Variants in RUNX1 observed in about 807,000 individuals in gnomAD.
The protein encoded by RUNX1 is RUNX family transcription factor 1, also known as runt-related transcription factor 1.
Under a neutral mutation model 42.8 loss-of-function variants are expected in RUNX1, and 19 were observed. The ratio of observed to expected loss-of-function variants is 0.44; its 90% CI spans 0.31 to 0.65. The LOEUF (loss-of-function observed/expected upper bound fraction) is 0.65. Among genes scored for constraint, RUNX1 ranks in the 30% least tolerant of loss-of-function variants. The probability of loss-of-function intolerance (pLI) is 0.07; values close to 1 mark genes in which losing one functional copy is unlikely to be tolerated. For missense variants in RUNX1, 528 were observed against 672.0 expected (o/e 0.79, Z 2.37); for synonymous variants, 271 against 289.4 (o/e 0.94, Z 0.64).
chr21:34,859,617 G>C (rs1405547149), intron 5 of RUNX1, 39 bp from the exon 6 acceptor site: 1 of 1,483,842 alleles, frequency 6.7e-7, no homozygotes, highest in Non-Finnish European at 9.4e-7. Flanking sequence ...GAATGAGGTT[G>C]GTGGCCTGAA....
chr21:34,873,911 T>C (rs1374858467), intron 5 of RUNX1, among the ~76,000 whole-genome samples: 5 of 152,248 alleles, frequency 3.3e-5, no homozygotes, highest in Non-Finnish European at 7.3e-5. Flanking sequence ...GTTGAAGTGC[T>C]GCGATCTGTC....
chr21:34,972,822 TTGCATGCAACTGGACC>T (rs1427979458), intron 2 of RUNX1, among the ~76,000 whole-genome samples: 1 of 152,086 alleles, frequency 6.6e-6, no homozygotes, highest in African/African-American at 2.4e-5. Context: ...CATTGTCCAG[TTGCATGCAACTGGACC>T]CACGGGTTGG....
At chr21:34,937,338 A>G (rs939114966) in intron 2 of RUNX1, among the ~76,000 whole-genome samples, 3 of 150,472 alleles carry the variant, frequency 2.0e-5, no homozygotes, top group African/African-American at 7.3e-5. Flanking sequence ...AAAAAAAAAA[A>G]GGTACAATAA....
chr21:34,910,960 A>C lies in RUNX1; in HGVS notation c.59-17997T>G, dbSNP rs1038984101. Among the ~76,000 whole-genome samples, 23 of 152,064 alleles carry C rather than the reference A, an allele frequency of 1.5e-4. 1 individual carries two copies. Among genetic ancestry groups the C allele is most frequent in the African/African-American group, 5.6e-4 (23 of 41,392 alleles). On this transcript the variant is annotated intron_variant, in intron 2 of 8. Coordinates refer to ENST00000675419, the MANE Select transcript of RUNX1 (RefSeq NM_001754.5). ...TAATTTTTAAACATTTTTAGACATG[A>C]GGTCTCCTTATTTGCCCCAGCTGGC... is the stretch of plus-strand genomic sequence containing the variant.
intron 4 of RUNX1, among the ~76,000 whole-genome samples, chr21:34,884,557 G>A (rs1182430200): frequency 2.0e-5 from 3 of 152,210 alleles, no homozygotes; most frequent in Non-Finnish European, 2.9e-5. Flanking sequence ...GGTTGGGTGG[G>A]CAGATAGAGT....
At chr21:34,892,451 G>A (rs1014413530) in intron 3 of RUNX1, among the ~76,000 whole-genome samples, 3 of 152,180 alleles carry the variant, frequency 2.0e-5, no homozygotes, top group Non-Finnish European at 2.9e-5. Flanking sequence ...GTTAATGTGT[G>A]ATGATTTCAC....
chr21:34,905,034 C>T (rs1199139619), intron 2 of RUNX1, among the ~76,000 whole-genome samples: 1 of 152,062 alleles, frequency 6.6e-6, no homozygotes. Context: ...GTCTGCAAAC[C>T]TCTACACCTG....
intron 2 of RUNX1, among the ~76,000 whole-genome samples, chr21:35,010,390 G>C (rs547518115): frequency 6.6e-6 from 1 of 152,082 alleles, no homozygotes; most frequent in African/African-American, 2.4e-5. Context: ...AATATGCAGA[G>C]GTTCAAAGCA....
intron 3 of RUNX1, chr21:34,889,597 TC>T: frequency 1.0e-6 from 1 of 952,956 alleles, no homozygotes; most frequent in Non-Finnish European, 1.3e-6. Context: ...GCCCCGCGTC[TC>T]CCCTCCGGCT....
chr21:34,946,121 A>T (rs1416972795), intron 2 of RUNX1, among the ~76,000 whole-genome samples: 1 of 152,058 alleles, frequency 6.6e-6, no homozygotes, highest in African/African-American at 2.4e-5. Flanking sequence ...TCCTCTCTTC[A>T]GCTCTTCATG....
At chr21:34,808,283 C>G (rs1209302315) in intron 7 of RUNX1, among the ~76,000 whole-genome samples, 1 of 152,186 alleles carries the variant, frequency 6.6e-6, no homozygotes, top group Non-Finnish European at 1.5e-5. Context: ...CGGGGCAGAA[C>G]CCTGCCTGGG....
chr21:34,892,980 T>A lies in RUNX1; in HGVS notation c.59-17A>T. 6.5e-7 allele frequency: 1 copy of A among 1,548,392 alleles called. No individual in the cohort carries two copies. The highest frequency in any genetic ancestry group is 8.9e-7 in the Non-Finnish European group (1 of 1,121,760). Reference sequence around the variant, plus strand: ...GTATGCATTCTGAAATAACAGAAAGTAGGAAAATAAAAGTAATGCAAGTTT... The same window carrying A: ...GTATGCATTCTGAAATAACAGAAAGAAGGAAAATAAAAGTAATGCAAGTTT... On this transcript the variant is annotated splice_polypyrimidine_tract_variant and intron_variant, in intron 2 of 8. Transcript: ENST00000675419.
At chr21:34,842,364 G>A (rs566953674) in intron 6 of RUNX1, among the ~76,000 whole-genome samples, 3 of 151,392 alleles carry the variant, frequency 2.0e-5, no homozygotes, top group South Asian at 2.1e-4. Flanking sequence ...GCATGGTGGC[G>A]CGCACCTGTA....
At chr21:34,988,994 A>ATCTC (rs905748186) in intron 2 of RUNX1, among the ~76,000 whole-genome samples, 4 of 134,780 alleles carry the variant, frequency 3.0e-5, no homozygotes, top group Admixed American at 7.4e-5. Context: ...GCTGGCCCAG[A>ATCTC]TCTCTCTCTC....
At chr21:34,838,525 T>G (rs1224384283) in intron 6 of RUNX1, among the ~76,000 whole-genome samples, 1 of 152,232 alleles carries the variant, frequency 6.6e-6, no homozygotes, top group Non-Finnish European at 1.5e-5. Flanking sequence ...TTGTGGTTCT[T>G]CTAAAAGCAT....
chr21:34,972,036 C>T (rs1051971892), intron 2 of RUNX1, among the ~76,000 whole-genome samples: 3 of 152,200 alleles, frequency 2.0e-5, no homozygotes, highest in Non-Finnish European at 2.9e-5. Context: ...AACACATTAA[C>T]AGGCCAACTT....
rs74276022 is a variant in RUNX1 at position 34,850,684 on chromosome 21, A to G, written c.613+8790T>C. Among the ~76,000 whole-genome samples, 251 of 152,336 alleles carry G rather than the reference A, an allele frequency of 1.6e-3. 4 individuals carry two copies. In the East Asian group the frequency reaches 0.046, roughly 28 times the overall value. ...TTTCACCCGTTAGTGACTTAGGAAC[A>G]GTGCCCAGAGTGTTTCCAGGGCCCA... On this transcript the variant is annotated intron_variant, in intron 6 of 8. Transcript: ENST00000675419.
chr21:34,998,225 G>A (rs1397585229), intron 2 of RUNX1, among the ~76,000 whole-genome samples: 2 of 152,146 alleles, frequency 1.3e-5, no homozygotes, highest in African/African-American at 4.8e-5. Flanking sequence ...GCTGGGAGAG[G>A]GGATGAAGAG....
At position 35,008,871 on chromosome 21, in the gene RUNX1, G is replaced by A. The variant is rs1326842894; in HGVS notation, c.58+39971C>T. 2.6e-5 allele frequency among the ~76,000 whole-genome samples: 4 copies of A among 152,182 alleles called. No homozygotes were observed. In the South Asian group the frequency reaches 8.3e-4, roughly 31 times the overall value. On this transcript the variant is annotated intron_variant, in intron 2 of 8. Coordinates refer to ENST00000675419, the MANE Select transcript of RUNX1 (RefSeq NM_001754.5). Reference sequence around the variant, plus strand: ...ACACTTCTATTAGAACGTCAAGTAGGACCTTGCATGAAAAGAGCCATTGAT... The same window carrying A: ...ACACTTCTATTAGAACGTCAAGTAGAACCTTGCATGAAAAGAGCCATTGAT...
Sources: gnomAD v4.1 joint callset for allele counts (sites outside exome capture counted in the v4.1 genomes callset) on GRCh38, gnomAD v4.1.1 for gene constraint, MANE v1.5 for transcripts, NCBI Gene and HGNC (gene_info 2026-07-23, HGNC 2026-07-21) for gene names.